SEMA6D: variants seen among roughly 807,000 people sequenced by gnomAD.
SEMA6D encodes the protein semaphorin-6D.
Under a neutral mutation model 106.6 loss-of-function variants are expected in SEMA6D, and 35 were observed. The observed-to-expected ratio is 0.33, with a 90% CI of 0.25 to 0.44. The LOEUF (loss-of-function observed/expected upper bound fraction) is 0.44. Among genes scored for constraint, SEMA6D ranks in the 20% least tolerant of loss-of-function variants. SEMA6D has a pLI of 1.00. For missense variants in SEMA6D, 1,185 were observed against 1,345.9 expected (o/e 0.88, Z 1.87); for synonymous variants, 499 against 487.7 (o/e 1.02, Z -0.31).
intron 1 of SEMA6D, among the ~76,000 whole-genome samples, chr15:47,300,177 T>TTCC (rs371565155): frequency 6.6e-6 from 1 of 152,170 alleles, no homozygotes. Context: ...CTGCTGTGCT[T>TTCC]TCCTCCTCCT....
intron 1 of SEMA6D, among the ~76,000 whole-genome samples, chr15:47,249,056 C>T (rs1566950188): frequency 6.6e-6 from 1 of 151,988 alleles, no homozygotes; most frequent in East Asian, 1.9e-4. Context: ...GATGAAACCC[C>T]ATCTCTACTA....
rs865909025 is a variant in SEMA6D at position 47,683,684 on chromosome 15, G to A, written c.-54-76061G>A. 8.5e-5 allele frequency among the ~76,000 whole-genome samples: 13 copies of A among 152,214 alleles called. 1 individual carries two copies. In the South Asian group the frequency reaches 1.7e-3, roughly 19 times the overall value. On this transcript the variant is annotated intron_variant, in intron 4 of 19. Transcript: ENST00000558014. ...ATTGATATTTACCCTGTTTTCACAA[G>A]CAGACATCATATATAACACACACAA...
intron 3 of SEMA6D, among the ~76,000 whole-genome samples, chr15:47,527,169 T>C (rs1222893777): frequency 7.2e-5 from 11 of 152,142 alleles, no homozygotes; most frequent in Admixed American, 7.2e-4. Flanking sequence ...TGCACTTTTC[T>C]AATAAAAAGA....
At chr15:47,437,329 C>A (rs427802) in intron 2 of SEMA6D, among the ~76,000 whole-genome samples, 1 of 151,972 alleles carries the variant, frequency 6.6e-6, no homozygotes, top group East Asian at 1.9e-4. Context: ...TGTTTTTACT[C>A]CCATCACTAA....
chr15:47,479,248 A>T (rs1198807666), intron 3 of SEMA6D, among the ~76,000 whole-genome samples: 2 of 152,128 alleles, frequency 1.3e-5, no homozygotes, highest in Non-Finnish European at 2.9e-5. Context: ...CATTTTTGAA[A>T]TCTTCCATGT....
chr15:47,374,285 G>GC (rs2039374566), intron 1 of SEMA6D, among the ~76,000 whole-genome samples: 2 of 152,152 alleles, frequency 1.3e-5, no homozygotes, highest in African/African-American at 2.4e-5. Context: ...CATTGGAGTT[G>GC]CAGGGGGTGG....
intron 3 of SEMA6D, among the ~76,000 whole-genome samples, chr15:47,483,298 G>A (rs2043205508): frequency 6.6e-6 from 1 of 152,106 alleles, no homozygotes; most frequent in African/African-American, 2.4e-5. Flanking sequence ...AAAGGTATGT[G>A]CTACGGTTTT....
At chr15:47,376,030 G>A (rs1030302007) in intron 1 of SEMA6D, among the ~76,000 whole-genome samples, 11 of 152,194 alleles carry the variant, frequency 7.2e-5, no homozygotes, top group African/African-American at 2.2e-4. Flanking sequence ...TGTAAAGAAG[G>A]CAAATTATTT....
intron 1 of SEMA6D, among the ~76,000 whole-genome samples, chr15:47,344,822 A>G (rs2037979146): frequency 6.6e-6 from 1 of 152,200 alleles, no homozygotes; most frequent in South Asian, 2.1e-4. Context: ...CTAGTGGAAA[A>G]AGCTCCTTGA....
intron 1 of SEMA6D, among the ~76,000 whole-genome samples, chr15:47,219,549 G>C (rs544381176): frequency 6.6e-6 from 1 of 152,266 alleles, no homozygotes; most frequent in East Asian, 1.9e-4. Context: ...TATTCAGAGT[G>C]GAGTTTTTTA....
At chr15:47,577,309 A>T (rs2076172482) in intron 3 of SEMA6D, among the ~76,000 whole-genome samples, 1 of 152,178 alleles carries the variant, frequency 6.6e-6, no homozygotes, top group Admixed American at 6.5e-5. Flanking sequence ...TGCTTCCCTC[A>T]TCCTTGTTTA....
chr15:47,486,078 G>C (rs1189337281), intron 3 of SEMA6D, among the ~76,000 whole-genome samples: 1 of 152,166 alleles, frequency 6.6e-6, no homozygotes, highest in Non-Finnish European at 1.5e-5. Flanking sequence ...AACGTCCATA[G>C]TCATGGCTAC....
chr15:47,283,271 T>C (rs2035212754), intron 1 of SEMA6D, among the ~76,000 whole-genome samples: 1 of 152,148 alleles, frequency 6.6e-6, no homozygotes, highest in South Asian at 2.1e-4. Flanking sequence ...GAAAAGTATA[T>C]GCGTACATGT....
At chr15:47,312,010 GAGGCAAGGT>G (rs1286108349) in intron 1 of SEMA6D, among the ~76,000 whole-genome samples, 8 of 152,300 alleles carry the variant, frequency 5.3e-5, no homozygotes, top group African/African-American at 1.7e-4. Flanking sequence ...AGCTAGGGCA[GAGGCAAGGT>G]ATGGCTTCAC....
chr15:47,599,449 CTT>C (rs34592398), intron 3 of SEMA6D, among the ~76,000 whole-genome samples: 1 of 146,698 alleles, frequency 6.8e-6, no homozygotes, highest in African/African-American at 2.5e-5. Flanking sequence ...CTGCCTTACG[CTT>C]TTTTTTTTTC....
intron 3 of SEMA6D, among the ~76,000 whole-genome samples, chr15:47,589,750 C>A (rs2076404958): frequency 6.6e-6 from 1 of 152,162 alleles, no homozygotes; most frequent in Admixed American, 6.5e-5. Flanking sequence ...GATTGAACAC[C>A]AGGACAGTCA....
intron 2 of SEMA6D, among the ~76,000 whole-genome samples, chr15:47,428,389 C>G (rs1050861187): frequency 1.3e-5 from 2 of 152,082 alleles, no homozygotes; most frequent in Non-Finnish European, 2.9e-5. Flanking sequence ...TTAATTATAA[C>G]CATGTACTGC....
At chr15:47,722,455 C>T (rs868579973) in intron 1 of SEMA6D, among the ~76,000 whole-genome samples, 6 of 152,110 alleles carry the variant, frequency 3.9e-5, no homozygotes, top group South Asian at 2.1e-4. Flanking sequence ...AACTTTCTGT[C>T]GCTTTTTTTT....
chr15:47,456,556 A>G (rs1037146934), intron 2 of SEMA6D, among the ~76,000 whole-genome samples: 1 of 152,060 alleles, frequency 6.6e-6, no homozygotes, highest in African/African-American at 2.4e-5. Context: ...AGGGTACAAA[A>G]TGAAAAGATT....
Sources: allele counts gnomAD v4.1 joint callset (sites outside exome capture counted in the v4.1 genomes callset), GRCh38; gene constraint gnomAD v4.1.1; transcripts MANE v1.5; gene names NCBI Gene and HGNC (gene_info 2026-07-23, HGNC 2026-07-21).